Variants in SLC35B4 observed in about 807,000 individuals in gnomAD.
SLC35B4 encodes the protein nucleotide sugar transporter SLC35B4.
In SLC35B4, 28 loss-of-function variants were observed where a neutral mutation model predicts 39.5. That is an observed-to-expected ratio of 0.71 (90% CI 0.53 to 0.97). The LOEUF (loss-of-function observed/expected upper bound fraction) is 0.97. SLC35B4 is among the 50% of genes least tolerant of loss of function. The probability of loss-of-function intolerance (pLI) is 0.00; values close to 1 mark genes in which losing one functional copy is unlikely to be tolerated. For synonymous variants in SLC35B4, 145 were observed against 150.4 expected (o/e 0.96, Z 0.26); for missense variants, 334 against 414.3 (o/e 0.81, Z 1.68).
intron 1 of SLC35B4, among the ~76,000 whole-genome samples, chr7:134,315,643 A>C (rs79012089): frequency 7.4e-6 from 1 of 134,254 alleles, no homozygotes; most frequent in African/African-American, 3.3e-5. Flanking sequence ...TCCCAAATCC[A>C]AAAAAAAAAC....
chr7:134,319,460 C>T (rs1804061608), upstream of SLC35B4, among the ~76,000 whole-genome samples: 1 of 152,192 alleles, frequency 6.6e-6, no homozygotes, highest in Non-Finnish European at 1.5e-5. Flanking sequence ...TTCCAGTTTC[C>T]TTAATGGGCT....
At position 134,290,984 on chromosome 7, in the gene SLC35B4, T is replaced by A. The variant is rs1803318942; in HGVS notation, c.*3849A>T. On this transcript the variant is annotated 3_prime_UTR_variant, in exon 10 of 10. Transcript: ENST00000378509. The stretch of plus-strand genomic sequence containing the variant: ...CCGGCCCTGAGCTAACTCATTGGTT[T>A]ATTATTCCTGACCTAAGGTGTTTTA... 6.6e-6 allele frequency: 1 copy of A among 152,232 alleles called. No homozygotes were observed. 9.4% of individuals were successfully genotyped at this position (152,232 alleles called of 1,614,324 possible).
intron 4 of SLC35B4, 70 bp downstream of exon 4, chr7:134,304,735 G>A (rs1803666869): frequency 2.4e-6 from 3 of 1,231,286 alleles, no homozygotes; most frequent in South Asian, 1.3e-5. Context: ...AAGGAATCCA[G>A]GTGACTAGCT....
At chr7:134,316,579 TG>T (rs576500980) in intron 1 of SLC35B4, 95 bp downstream of exon 1, 2 of 1,301,648 alleles carry the variant, frequency 1.5e-6, no homozygotes, top group African/African-American at 1.5e-5. Flanking sequence ...GGCGGCGGGG[TG>T]GGGACAGGGC....
At position 134,316,824 on chromosome 7, in the gene SLC35B4, C is replaced by T; in HGVS notation, c.-73G>A. Reference sequence around the variant, plus strand: ...TGTACCGCTACCCCAGGAAGCCGGCCTCCTGCCTCTTCGCTGCGCAGCACA... The same window carrying T: ...TGTACCGCTACCCCAGGAAGCCGGCTTCCTGCCTCTTCGCTGCGCAGCACA... On this transcript the variant is annotated 5_prime_UTR_variant, in exon 1 of 10. Coordinates refer to ENST00000378509, the MANE Select transcript of SLC35B4 (RefSeq NM_032826.5). 7.0e-7 allele frequency: 1 copy of T among 1,430,746 alleles called. No homozygotes were observed. Among genetic ancestry groups the T allele is most frequent in the Non-Finnish European group, 9.5e-7 (1 of 1,047,524 alleles). The allele number at this position is 1,430,746 out of a possible 1,614,324, so 88.6% of individuals were successfully genotyped here.
chr7:134,301,279 T>C (rs1252788650), intron 6 of SLC35B4, among the ~76,000 whole-genome samples: 1 of 152,182 alleles, frequency 6.6e-6, no homozygotes, highest in Non-Finnish European at 1.5e-5. Context: ...CAGAGATCCT[T>C]GTATTTTTAA....
At chr7:134,305,879 G>C (rs1293184798) in intron 3 of SLC35B4, among the ~76,000 whole-genome samples, 2 of 152,070 alleles carry the variant, frequency 1.3e-5, no homozygotes, top group African/African-American at 4.8e-5. Context: ...ATGTTGATCA[G>C]GCTGGTCTCG....
intron 1 of SLC35B4, among the ~76,000 whole-genome samples, chr7:134,313,277 C>A (rs1013726636): frequency 6.6e-6 from 1 of 152,076 alleles, no homozygotes; most frequent in African/African-American, 2.4e-5. Flanking sequence ...GGCAAAAATT[C>A]CAATTTTTAT....
rs546549779 is a variant in SLC35B4, at chr7:134,289,545, A to G, written c.*5288T>C. ...AAAACCTAATGGTAATACTGTATGA[A>G]GAGCTCAGACGGGATGAATAAAATC... On this transcript the variant is annotated 3_prime_UTR_variant, in exon 10 of 10. Transcript: ENST00000378509. The G allele has an allele frequency of 6.5e-6, 1 of 152,728 alleles. No homozygotes were observed. Among genetic ancestry groups the G allele is most frequent in the East Asian group, 1.9e-4 (1 of 5,182 alleles). The allele number at this position is 152,728 out of a possible 1,614,324, so 9.5% of individuals were successfully genotyped here.
chr7:134,308,932 A>G (rs552582484), intron 2 of SLC35B4, among the ~76,000 whole-genome samples: 1 of 152,346 alleles, frequency 6.6e-6, no homozygotes, highest in East Asian at 1.9e-4. Context: ...AAAGTGAACA[A>G]TTCCGTGGCA....
At chr7:134,295,800 C>T (rs934482308) in intron 9 of SLC35B4, among the ~76,000 whole-genome samples, 5 of 152,224 alleles carry the variant, frequency 3.3e-5, no homozygotes, top group African/African-American at 1.2e-4. Context: ...ATCACAGGTA[C>T]AAATCACAGA....
intron 2 of SLC35B4, among the ~76,000 whole-genome samples, chr7:134,308,126 A>G (rs1303019850): frequency 6.6e-6 from 1 of 152,234 alleles, no homozygotes; most frequent in East Asian, 1.9e-4. Context: ...ATGCATGAGA[A>G]TATGGTTATG....
chr7:134,295,217 C>T, intron 9 of SLC35B4, 138 bp from the exon 10 acceptor site: 1 of 1,111,752 alleles, frequency 9.0e-7, no homozygotes, highest in South Asian at 1.5e-5. Flanking sequence ...TCTGAGGCTC[C>T]TCCTGGGGAG....
chr7:134,314,033 C>CA (rs909317207), intron 1 of SLC35B4, among the ~76,000 whole-genome samples: 105 of 126,560 alleles, frequency 8.3e-4, no homozygotes, highest in Middle Eastern at 3.8e-3. Context: ...TGCAGATTTA[C>CA]AAAAAAAAGA....
chr7:134,298,155 A>G (rs755736412), intron 8 of SLC35B4, among the ~76,000 whole-genome samples: 33 of 152,222 alleles, frequency 2.2e-4, no homozygotes. Context: ...GCATACACAT[A>G]AAGACTAATT....
rs979597455 is a variant in SLC35B4 at position 134,293,780 on chromosome 7, A to C, written c.*1053T>G. ...AATGGGCTTCAGGGGTGTCCAGTCC[A>C]TAACAACCTTTCTTTTTTTTTTTTT... On this transcript the variant is annotated 3_prime_UTR_variant, in exon 10 of 10. Coordinates refer to ENST00000378509, the MANE Select transcript of SLC35B4 (RefSeq NM_032826.5). 2.6e-5 allele frequency: 4 copies of C among 151,012 alleles called. No individual in the cohort carries two copies. Among genetic ancestry groups the C allele is most frequent in the Non-Finnish European group, 5.8e-5 (4 of 68,630 alleles). The allele number at this position is 151,012 out of a possible 1,614,324, so 9.4% of individuals were successfully genotyped here.
chr7:134,315,041 T>C (rs1423424272), intron 1 of SLC35B4, among the ~76,000 whole-genome samples: 1 of 152,198 alleles, frequency 6.6e-6, no homozygotes, highest in African/African-American at 2.4e-5. Context: ...GAGTTTACCT[T>C]AAGTAAACTG....
chr7:134,297,476 T>A (rs752685818), intron 8 of SLC35B4, among the ~76,000 whole-genome samples: 14 of 152,090 alleles, frequency 9.2e-5, no homozygotes, highest in Admixed American at 2.0e-4. Context: ...AAATGCCCAA[T>A]GATGGTGCAA....
Position 134,289,412 on chromosome 7 carries a change from G to A in SLC35B4, c.*5421C>T, listed in dbSNP as rs1387150281. On this transcript the variant is annotated 3_prime_UTR_variant, in exon 10 of 10. Coordinates refer to ENST00000378509, the MANE Select transcript of SLC35B4 (RefSeq NM_032826.5). ...GCTCAAATAACTCTTAAGGCTGGAA[G>A]CCGATGTTTGATATTTACACAGCTC... 1 of 152,654 alleles carries A rather than the reference G, an allele frequency of 6.6e-6. No individual in the cohort carries two copies. The highest frequency in any genetic ancestry group is 1.5e-5 in the Non-Finnish European group (1 of 68,044). 9.5% of individuals were successfully genotyped at this position (152,654 alleles called of 1,614,324 possible).
Sources: gnomAD v4.1 joint callset for allele counts (sites outside exome capture counted in the v4.1 genomes callset) on GRCh38, gnomAD v4.1.1 for gene constraint, MANE v1.5 for transcripts, NCBI Gene and HGNC (gene_info 2026-07-23, HGNC 2026-07-21) for gene names.